The following COL4A6 variants were observed in gnomAD, a reference collection of about 807,000 sequenced individuals.
COL4A6 encodes the protein collagen type IV alpha 6 chain.
In COL4A6, 59 loss-of-function variants were observed where a neutral mutation model predicts 126.7. That is an observed-to-expected ratio of 0.47 (90% CI 0.38 to 0.58). COL4A6 has a LOEUF of 0.58. Among genes scored for constraint, COL4A6 ranks in the 20% least tolerant of loss-of-function variants. COL4A6 has a pLI of 0.00. For missense variants in COL4A6, 1,285 were observed against 1,337.3 expected (o/e 0.96, Z 0.61); for synonymous variants, 547 against 496.6 (o/e 1.10, Z -1.35).
intron 2 of COL4A6, among the ~76,000 whole-genome samples, chrX:108,374,559 G>C (rs1054463309): frequency 2.9e-4 from 33 of 112,162 alleles, no homozygotes; most frequent in African/African-American, 8.7e-4. Flanking sequence ...TCAATGCACA[G>C]AGAAGGTTCT....
chrX:108,198,995 T>C (rs1201521651), intron 13 of COL4A6, among the ~76,000 whole-genome samples: 2 of 111,328 alleles, frequency 1.8e-5, no homozygotes, highest in Non-Finnish European at 3.8e-5. Context: ...GAAGGACCTG[T>C]GGCCTACAAG....
At chrX:108,314,934 C>T (rs2038847017) in intron 2 of COL4A6, among the ~76,000 whole-genome samples, 1 of 111,742 alleles carries the variant, frequency 8.9e-6, no homozygotes, top group South Asian at 3.8e-4. Context: ...CTAGACTACT[C>T]AGCATTTTTT....
In COL4A6 at chrX:108,278,422, C is replaced by T. The variant is rs1204064737; in HGVS notation, c.144+32326G>A. Among the ~76,000 whole-genome samples the T allele has an allele frequency of 3.6e-3, 405 of 111,021 alleles. 4 individuals carry two copies. Among genetic ancestry groups the T allele is most frequent in the African/African-American group, 0.013 (387 of 30,541 alleles). On this transcript the variant is annotated intron_variant, in intron 3 of 44. Coordinates refer to ENST00000334504, the MANE Select transcript of COL4A6 (RefSeq NM_033641.4). ...GGAAGATGAAATGAATGAAATGAAG[C>T]AAGAAGGGAAGTTTAGAGAAAAAAG...
chrX:108,297,945 TCA>T (rs1402033960), intron 3 of COL4A6, among the ~76,000 whole-genome samples: 1 of 107,827 alleles, frequency 9.3e-6, no homozygotes, highest in African/African-American at 3.4e-5. Context: ...TTTCTCTCTC[TCA>T]CGTGTGTGTG....
intron 2 of COL4A6, among the ~76,000 whole-genome samples, chrX:108,349,135 C>T (rs2039782635): frequency 9.0e-6 from 1 of 111,691 alleles, no homozygotes; most frequent in Non-Finnish European, 1.9e-5. Flanking sequence ...CCCTCTAATT[C>T]AGTAGAGTCA....
At chrX:108,157,414 C>G (rs975518978) in intron 44 of COL4A6, among the ~76,000 whole-genome samples, 154 bp from the exon 45 acceptor site, 2 of 111,347 alleles carry the variant, frequency 1.8e-5, no homozygotes, top group African/African-American at 6.5e-5. Flanking sequence ...ATACCAAGAG[C>G]TGTGTTTTAG....
At chrX:108,437,744 T>C (rs932452128) in intron 2 of COL4A6, among the ~76,000 whole-genome samples, 198 bp downstream of exon 2, 9 of 111,662 alleles carry the variant, frequency 8.1e-5, no homozygotes, top group African/African-American at 2.9e-4. Context: ...TTTTGGAAGA[T>C]ATCTTGGTCC....
chrX:108,228,317 T>C (rs1210569641), intron 3 of COL4A6, among the ~76,000 whole-genome samples: 1 of 112,217 alleles, frequency 8.9e-6, no homozygotes, highest in Non-Finnish European at 1.9e-5. Flanking sequence ...TATAGTTATG[T>C]TATCCCTTGA....
At chrX:108,204,737 A>G (rs2035494768) in intron 11 of COL4A6, among the ~76,000 whole-genome samples, 1 of 111,791 alleles carries the variant, frequency 8.9e-6, no homozygotes, top group Admixed American at 9.5e-5. Flanking sequence ...CTTGGCAACA[A>G]TGATCCAACT....
chrX:108,309,008 C>A (rs938207980), intron 3 of COL4A6, among the ~76,000 whole-genome samples: 1 of 111,230 alleles, frequency 9.0e-6, no homozygotes, highest in Non-Finnish European at 1.9e-5. Context: ...GTTAAGTTTA[C>A]AAAAGGGGCC....
At chrX:108,205,094 G>A (rs2035507919) in intron 11 of COL4A6, among the ~76,000 whole-genome samples, 1 of 110,103 alleles carries the variant, frequency 9.1e-6, no homozygotes, top group African/African-American at 3.3e-5. Flanking sequence ...GCAGAGACAA[G>A]GAAAGAGAAG....
chrX:108,402,267 CTA>C (rs898161022), intron 2 of COL4A6, among the ~76,000 whole-genome samples: 4 of 111,333 alleles, frequency 3.6e-5, no homozygotes, highest in African/African-American at 1.3e-4. Flanking sequence ...AAGAATTTGT[CTA>C]TTTTATTTTA....
In COL4A6 at chrX:108,436,216, G is replaced by A. The variant is rs771933011; in HGVS notation, c.63+1726C>T. ...GTCAAAAAATAAAGTATTATCTGTG[G>A]AACTCAAGGTCAATTTTAGACTTAC... On this transcript the variant is annotated intron_variant, in intron 2 of 44. Coordinates refer to ENST00000334504, the MANE Select transcript of COL4A6 (RefSeq NM_033641.4). Among the ~76,000 whole-genome samples, 17 of 112,199 alleles carry A rather than the reference G, an allele frequency of 1.5e-4. 1 individual carries two copies. The highest frequency in any genetic ancestry group is 3.0e-4 in the Non-Finnish European group (16 of 53,175).
chrX:108,305,162 C>T (rs754965281), intron 3 of COL4A6, among the ~76,000 whole-genome samples: 1 of 111,693 alleles, frequency 9.0e-6, no homozygotes, highest in South Asian at 3.8e-4. Context: ...AATCTGTGCT[C>T]AGTTTTAAAG....
At chrX:108,273,606 A>G (rs898477391) in intron 3 of COL4A6, among the ~76,000 whole-genome samples, 54 of 112,568 alleles carry the variant, frequency 4.8e-4, no homozygotes, top group African/African-American at 1.5e-3. Flanking sequence ...GATAGACTGG[A>G]TTAAGAAAAT....
intron 37 of COL4A6, among the ~76,000 whole-genome samples, chrX:108,167,125 T>C (rs753002377): frequency 1.8e-5 from 2 of 112,111 alleles, no homozygotes; most frequent in African/African-American, 6.5e-5. Context: ...AAAAAGCTCA[T>C]GCATTTCTTT....
chrX:108,374,323 T>TA (rs1037086733), intron 2 of COL4A6, among the ~76,000 whole-genome samples: 2 of 111,576 alleles, frequency 1.8e-5, no homozygotes, highest in African/African-American at 3.3e-5. Flanking sequence ...CTCTTTGGGG[T>TA]AAAAAAAGTA....
chrX:108,435,993 A>G (rs920976001), intron 2 of COL4A6, among the ~76,000 whole-genome samples: 3 of 111,971 alleles, frequency 2.7e-5, no homozygotes, highest in Non-Finnish European at 5.6e-5. Context: ...ACCAGCCCGT[A>G]TAGATAAGAA....
chrX:108,373,796 G>A (rs1468409563), intron 2 of COL4A6, among the ~76,000 whole-genome samples: 2 of 111,871 alleles, frequency 1.8e-5, no homozygotes, highest in Non-Finnish European at 3.8e-5. Flanking sequence ...AATGTTTGTG[G>A]CTTACAGATT....
Sources: allele counts gnomAD v4.1 joint callset (sites outside exome capture counted in the v4.1 genomes callset), GRCh38; gene constraint gnomAD v4.1.1; transcripts MANE v1.5; gene names NCBI Gene and HGNC (gene_info 2026-07-23, HGNC 2026-07-21).